Variants in PUS10 observed in about 807,000 individuals in gnomAD.
The protein encoded by PUS10 is tRNA pseudouridine synthase Pus10.
A neutral mutation model predicts 75.0 loss-of-function variants in PUS10; 59 were observed. That is an observed-to-expected ratio of 0.79 (90% CI 0.64 to 0.98). PUS10 has a LOEUF of 0.98. Among genes scored for constraint, PUS10 ranks in the 50% least tolerant of loss-of-function variants. The probability of loss-of-function intolerance (pLI) is 0.00; values close to 1 mark genes in which losing one functional copy is unlikely to be tolerated. For missense variants in PUS10, 650 were observed against 614.4 expected, an observed-to-expected ratio of 1.06 and a Z score of -0.61; for synonymous variants, 219 against 211.6, an observed-to-expected ratio of 1.03 and a Z score of -0.30.
At chr2:60,974,940 C>T (rs1174896784) in intron 4 of PUS10, among the ~76,000 whole-genome samples, 1 of 152,214 alleles carries the variant, frequency 6.6e-6, no homozygotes, top group Non-Finnish European at 1.5e-5. Flanking sequence ...ACGCCACTGT[C>T]CACAGAGGTT....
Position 61,017,711 on chromosome 2 carries a change from G to T in PUS10, c.-16+297C>A, listed in dbSNP as rs1202910852. ...TACGCTCCAGGTGCTGGTCTACGCG[G>T]GCCTGGACAGTCAGGGGTAGGAGCG... On this transcript the variant is annotated intron_variant, in intron 1 of 17. Coordinates refer to ENST00000316752, the MANE Select transcript of PUS10 (RefSeq NM_144709.4). 12 of 1,462,270 alleles carry T rather than the reference G, an allele frequency of 8.2e-6. No homozygotes were observed. The East Asian group carries it at 3.0e-4, about 36-fold the overall frequency. 90.6% of individuals were successfully genotyped at this position (1,462,270 alleles called of 1,614,324 possible).
At chr2:61,013,751 G>A (rs112404671) in intron 1 of PUS10, among the ~76,000 whole-genome samples, 6 of 152,188 alleles carry the variant, frequency 3.9e-5, no homozygotes, top group Admixed American at 2.6e-4. Flanking sequence ...GAGGCCGGGT[G>A]CAGTGGCTCA....
chr2:60,977,793 T>G (rs1200378913), intron 4 of PUS10, among the ~76,000 whole-genome samples: 1 of 152,144 alleles, frequency 6.6e-6, no homozygotes, highest in African/African-American at 2.4e-5. Context: ...CTGCTTCTCT[T>G]ATGTGATCAC....
rs937488124 is a variant in PUS10, at chr2:60,942,803, G to T, written c.1552-370C>A. 1.3e-5 allele frequency among the ~76,000 whole-genome samples: 2 copies of T among 151,952 alleles called. 1 individual carries two copies. Among genetic ancestry groups the T allele is most frequent in the African/African-American group, 4.8e-5 (2 of 41,360 alleles). Reference sequence around the variant, plus strand: ...TATATAGATCAACATGATCAAGGTGGGCAGACCACTCAAAGTCAAGAGTTC... The same window carrying T: ...TATATAGATCAACATGATCAAGGTGTGCAGACCACTCAAAGTCAAGAGTTC... On this transcript the variant is annotated intron_variant, in intron 17 of 17. Transcript: ENST00000316752.
rs575328632 is a variant in PUS10 at position 60,950,339 on chromosome 2, GTCTA to G, written c.1309-2158_1309-2155del. 1.6e-4 allele frequency among the ~76,000 whole-genome samples: 25 copies of G among 152,184 alleles called. No homozygotes were observed. In the South Asian group the frequency reaches 2.7e-3, roughly 16 times the overall value. ...CTATGAGTCATAGATATAGACATAC[GTCTA>G]TCTTTTTTCCCAGCATTTTTAGGCA... is the stretch of plus-strand genomic sequence containing the variant. On this transcript the variant is annotated intron_variant, in intron 15 of 17. Transcript: ENST00000316752.
chr2:60,945,583 G>C (rs1172339285), intron 16 of PUS10, among the ~76,000 whole-genome samples: 2 of 152,180 alleles, frequency 1.3e-5, no homozygotes, highest in Non-Finnish European at 2.9e-5. Flanking sequence ...AGGCAATAGG[G>C]TGGAAGGAAT....
intron 12 of PUS10, among the ~76,000 whole-genome samples, chr2:60,954,637 G>A (rs1269651488): frequency 6.6e-6 from 1 of 152,162 alleles, no homozygotes; most frequent in Non-Finnish European, 1.5e-5. Flanking sequence ...GAGACATGAA[G>A]GTTAAGACAG....
chr2:60,971,152 C>T (rs1676637120), intron 5 of PUS10, among the ~76,000 whole-genome samples: 1 of 151,184 alleles, frequency 6.6e-6, no homozygotes, highest in Admixed American at 6.6e-5. Context: ...TGCACTCCAG[C>T]CTGGGTGACA....
chr2:60,999,818 G>C, intron 4 of PUS10, among the ~76,000 whole-genome samples: 1 of 152,030 alleles, frequency 6.6e-6, no homozygotes, highest in East Asian at 1.9e-4. Context: ...AACATTTAGG[G>C]GGGAAAAAGG....
intron 17 of PUS10, chr2:60,944,186 A>AATG: frequency 1.0e-6 from 1 of 982,116 alleles, no homozygotes; most frequent in Non-Finnish European, 1.2e-6. Context: ...TCTTCCTCCA[A>AATG]ATGATAGTTT....
chr2:60,953,106 A>G lies in PUS10; in HGVS notation c.1199T>C (p.Ile400Thr). Residue 400 changes from isoleucine (I) to threonine (T), a missense_variant, in exon 15 of 18, where the codon ATA becomes ACA. Coordinates refer to ENST00000316752, the MANE Select transcript of PUS10 (RefSeq NM_144709.4). ...TTCTTCACCTTCTTTCATATGTCCTATTGCCTCTCTAAACAAAAACAATTT... is the reference window on the plus strand; with the variant it reads ...TTCTTCACCTTCTTTCATATGTCCTGTTGCCTCTCTAAACAAAAACAATTT... ...RDLQLVTREA[I>T]GHMKEGEEEK... 6.4e-7 allele frequency: 1 copy of G among 1,562,244 alleles called. No homozygotes were observed. Among genetic ancestry groups the G allele is most frequent in the African/African-American group, 1.4e-5 (1 of 73,494 alleles).
chr2:60,999,278 T>G (rs955225811), intron 4 of PUS10, among the ~76,000 whole-genome samples: 1 of 152,210 alleles, frequency 6.6e-6, no homozygotes, highest in Non-Finnish European at 1.5e-5. Context: ...ATAGTTTTTG[T>G]GTGGCATTAT....
At chr2:61,017,403 G>C in intron 1 of PUS10, 1 of 196,942 alleles carries the variant, frequency 5.1e-6, no homozygotes, top group South Asian at 1.6e-4. Flanking sequence ...GAGCGAAGGA[G>C]TGCGTGCGGC....
chr2:60,951,155 A>T (rs1295774855), intron 15 of PUS10, among the ~76,000 whole-genome samples: 1 of 152,118 alleles, frequency 6.6e-6, no homozygotes, highest in Non-Finnish European at 1.5e-5. Flanking sequence ...AATCCTATTT[A>T]TCGTATCTTT....
chr2:61,002,271 A>T (rs993318882), intron 4 of PUS10, among the ~76,000 whole-genome samples: 1 of 152,226 alleles, frequency 6.6e-6, no homozygotes, highest in Admixed American at 6.5e-5. Context: ...CCAATCTAAA[A>T]GTTGTCAGAT....
At chr2:60,956,816 T>A (rs1675688032) in intron 11 of PUS10, among the ~76,000 whole-genome samples, 1 of 150,666 alleles carries the variant, frequency 6.6e-6, no homozygotes, top group Non-Finnish European at 1.5e-5. Context: ...CTACTAAAAA[T>A]ACAAAAAAAT....
chr2:60,951,198 A>G (rs1037868994), intron 15 of PUS10, among the ~76,000 whole-genome samples: 2 of 152,074 alleles, frequency 1.3e-5, no homozygotes, highest in Non-Finnish European at 2.9e-5. Context: ...ACAATCCTCT[A>G]TATGTGTATA....
chr2:60,965,704 C>T (rs562064524), intron 6 of PUS10: 4 of 355,322 alleles, frequency 1.1e-5, no homozygotes, highest in East Asian at 9.3e-5. Flanking sequence ...ATTAGTGATC[C>T]TACCAAAAAA....
chr2:61,011,680 C>A, intron 2 of PUS10, 85 bp downstream of exon 2: 1 of 955,268 alleles, frequency 1.0e-6, no homozygotes, highest in Non-Finnish European at 1.5e-6. Flanking sequence ...GAATAGATAC[C>A]TGCCCTCAAA....
Sources: gnomAD v4.1 joint callset for allele counts (sites outside exome capture counted in the v4.1 genomes callset) on GRCh38, gnomAD v4.1.1 for gene constraint, MANE v1.5 for transcripts, NCBI Gene and HGNC (gene_info 2026-07-23, HGNC 2026-07-21) for gene names.